ARB2A: variants seen among roughly 807,000 people sequenced by gnomAD.
ARB2A encodes the protein ARB2 cotranscriptional regulator A.
the ARB2A span, among the ~76,000 whole-genome samples, chr5:93,873,123 T>C: frequency 2.6e-5 from 4 of 151,880 alleles, no homozygotes; most frequent in Non-Finnish European, 4.4e-5. Context: ...TAATCAAACC[T>C]TTATTTTAAA....
At chr5:94,018,381 G>A in the ARB2A span, among the ~76,000 whole-genome samples, 2 of 152,124 alleles carry the variant, frequency 1.3e-5, no homozygotes, top group Admixed American at 6.5e-5. Flanking sequence ...CATTTGCTGT[G>A]TTGCCAAAGG....
the ARB2A span, among the ~76,000 whole-genome samples, chr5:94,055,082 T>C: frequency 6.6e-6 from 1 of 152,218 alleles, no homozygotes; most frequent in African/African-American, 2.4e-5. Flanking sequence ...TTTAGGTTCA[T>C]ATTGTAGGAT....
At chr5:93,666,835 G>A in the ARB2A span, among the ~76,000 whole-genome samples, 1 of 152,264 alleles carries the variant, frequency 6.6e-6, no homozygotes, top group African/African-American at 2.4e-5. Context: ...TCCAGTTTTG[G>A]TGTGGTAGAT....
chr5:93,710,626 A>T, the ARB2A span, among the ~76,000 whole-genome samples: 2 of 152,200 alleles, frequency 1.3e-5, no homozygotes, highest in African/African-American at 4.8e-5. Flanking sequence ...TTAACCAGAA[A>T]ATCTATTTAA....
chr5:93,903,961 T>A, the ARB2A span, among the ~76,000 whole-genome samples: 1 of 151,968 alleles, frequency 6.6e-6, no homozygotes, highest in Admixed American at 6.6e-5. Flanking sequence ...TTAGCCTGTG[T>A]TTTCACCTGG....
At chr5:93,736,603 T>C in the ARB2A span, 1 of 151,938 alleles carries the variant, frequency 6.6e-6, no homozygotes, top group African/African-American at 2.4e-5. Flanking sequence ...AAAAAAAAAG[T>C]TTAGGTCTCT....
the ARB2A span, among the ~76,000 whole-genome samples, chr5:93,809,090 T>C: frequency 6.6e-6 from 1 of 152,028 alleles, no homozygotes; most frequent in Non-Finnish European, 1.5e-5. Context: ...TACATGATTC[T>C]TCTTTTAGCT....
At chr5:93,758,200 A>G in the ARB2A span, among the ~76,000 whole-genome samples, 1 of 152,180 alleles carries the variant, frequency 6.6e-6, no homozygotes, top group African/African-American at 2.4e-5. Context: ...AAATATCACA[A>G]TCCTAAACAT....
the ARB2A span, among the ~76,000 whole-genome samples, chr5:93,636,816 C>T: frequency 6.6e-6 from 1 of 152,194 alleles, no homozygotes; most frequent in Non-Finnish European, 1.5e-5. Flanking sequence ...AGGATTTGCA[C>T]TTCATATATT....
chr5:93,755,520 G>T, the ARB2A span, among the ~76,000 whole-genome samples: 2 of 152,212 alleles, frequency 1.3e-5, no homozygotes, highest in Admixed American at 1.3e-4. Context: ...TAAGCGGACT[G>T]CTCCTGCAGG....
chr5:93,683,404 A>G, the ARB2A span: 1 of 1,602,704 alleles, frequency 6.2e-7, no homozygotes, highest in South Asian at 1.1e-5. Context: ...CTGGCCCTGA[A>G]CCACACTTCA....
At chr5:93,886,319 T>C in the ARB2A span, among the ~76,000 whole-genome samples, 38 of 151,790 alleles carry the variant, frequency 2.5e-4, 1 homozygote, top group African/African-American at 8.9e-4. Context: ...AGTGGAATCC[T>C]TTGACCTATG....
At chr5:94,053,763 T>C in the ARB2A span, among the ~76,000 whole-genome samples, 1 of 152,064 alleles carries the variant, frequency 6.6e-6, no homozygotes, top group Non-Finnish European at 1.5e-5. Context: ...TCAAGGAGTT[T>C]TTCTTTTTCT....
chr5:93,786,548 G>A, the ARB2A span, among the ~76,000 whole-genome samples: 76 of 152,156 alleles, frequency 5.0e-4, 1 homozygote, highest in Non-Finnish European at 2.6e-4. Flanking sequence ...ACTGAAGAGC[G>A]GTTTACAAAT....
chr5:93,982,008 A>C, the ARB2A span, among the ~76,000 whole-genome samples: 1 of 152,144 alleles, frequency 6.6e-6, no homozygotes, highest in African/African-American at 2.4e-5. Flanking sequence ...AACATTACCT[A>C]GTCACTTCAC....
chr5:93,764,534 T>C, the ARB2A span, among the ~76,000 whole-genome samples: 1 of 151,678 alleles, frequency 6.6e-6, no homozygotes, highest in South Asian at 2.1e-4. Context: ...CAATAATAGG[T>C]CCTGAAATTG....
the ARB2A span, among the ~76,000 whole-genome samples, chr5:93,703,251 T>C: frequency 6.8e-6 from 1 of 148,148 alleles, no homozygotes; most frequent in South Asian, 2.1e-4. Context: ...AGGAACTGCC[T>C]CTGGTGCTGC....
At chr5:93,844,410 C>T in the ARB2A span, among the ~76,000 whole-genome samples, 1 of 151,646 alleles carries the variant, frequency 6.6e-6, no homozygotes, top group Non-Finnish European at 1.5e-5. Context: ...GACCACTGCA[C>T]TCCAGCCTGG....
chr5:93,892,779 C>T, the ARB2A span, among the ~76,000 whole-genome samples: 134 of 152,184 alleles, frequency 8.8e-4, no homozygotes, highest in African/African-American at 3.0e-3. Flanking sequence ...GCAAAATTTA[C>T]TGAATTAACT....
Sources: allele counts gnomAD v4.1 joint callset (sites outside exome capture counted in the v4.1 genomes callset), GRCh38; gene constraint gnomAD v4.1.1; transcripts MANE v1.5; gene names NCBI Gene and HGNC (gene_info 2026-07-23, HGNC 2026-07-21).